SYT1: variants seen among roughly 807,000 people sequenced by gnomAD.
SYT1 encodes the protein synaptotagmin 1.
Under a neutral mutation model 44.8 loss-of-function variants are expected in SYT1, and 8 were observed. The observed-to-expected ratio is 0.18, with a 90% CI of 0.10 to 0.32. The LOEUF (loss-of-function observed/expected upper bound fraction) is 0.32, where lower values mean the gene tolerates loss of function less well. Among genes scored for constraint, SYT1 ranks in the 10% least tolerant of loss-of-function variants. The pLI is 1.00. For synonymous variants in SYT1, 154 were observed against 188.8 expected, an observed-to-expected ratio of 0.82 and a Z score of 1.51; for missense variants, 286 against 509.3, an observed-to-expected ratio of 0.56 and a Z score of 4.22.
At chr12:78,972,901 A>G (rs528153135) in intron 1 of SYT1, among the ~76,000 whole-genome samples, 9 of 152,286 alleles carry the variant, frequency 5.9e-5, no homozygotes, top group South Asian at 2.1e-4. Context: ...AGGATTCAGA[A>G]TTTTATGTAA....
Position 79,156,768 on chromosome 12 carries a change from G to GT in SYT1, c.-17-60733dup, listed in dbSNP as rs1870626916. Among the ~76,000 whole-genome samples the GT allele has an allele frequency of 2.0e-5, 3 of 152,160 alleles. No individual in the cohort carries two copies. The South Asian group carries it at 6.2e-4, about 32-fold the overall frequency. ...AGGCGTGAGCCACCGCACCTGGCCT[G>GT]TTCAGTTAATTTTTAATTCAATTAT... On this transcript the variant is annotated intron_variant, in intron 3 of 10. Coordinates refer to ENST00000261205, the MANE Select transcript of SYT1 (RefSeq NM_005639.3).
At chr12:79,120,988 TAC>T (rs151069295) in intron 3 of SYT1, among the ~76,000 whole-genome samples, 17 of 150,950 alleles carry the variant, frequency 1.1e-4, no homozygotes, top group African/African-American at 2.7e-4. Flanking sequence ...TATATATATA[TAC>T]ACACACACAT....
intron 1 of SYT1, among the ~76,000 whole-genome samples, chr12:78,961,114 A>T (rs1879478024): frequency 1.3e-5 from 2 of 149,490 alleles, no homozygotes; most frequent in Admixed American, 1.3e-4. Context: ...TTTTTAAGAA[A>T]TTTTTTTTTT....
At chr12:79,060,501 G>C (rs2137839725) in intron 3 of SYT1, among the ~76,000 whole-genome samples, 1 of 151,942 alleles carries the variant, frequency 6.6e-6, no homozygotes, top group South Asian at 2.1e-4. Context: ...GCAGCCCCTG[G>C]CCATCACTAT....
In SYT1 at chr12:79,032,331, A is replaced by G. The variant is rs186949492; in HGVS notation, c.-83-14966A>G. Among the ~76,000 whole-genome samples the G allele has an allele frequency of 4.8e-4, 73 of 151,380 alleles. 1 individual carries two copies. In the East Asian group the frequency reaches 6.6e-3, roughly 14 times the overall value. ...ATAACAAAAACAAACAGTGTAATGC[A>G]CTAAGTGATATATGATAGAGACATG... is the stretch of plus-strand genomic sequence containing the variant. On this transcript the variant is annotated intron_variant, in intron 2 of 10. Transcript: ENST00000261205.
chr12:78,931,298 GGA>G, intron 1 of SYT1, among the ~76,000 whole-genome samples: 2 of 75,080 alleles, frequency 2.7e-5, no homozygotes, highest in African/African-American at 4.9e-5. Context: ...AAGGAAGGAA[GGA>G]AGGAAGGAGA....
intron 3 of SYT1, among the ~76,000 whole-genome samples, chr12:79,104,090 T>C (rs903855550): frequency 1.3e-5 from 2 of 152,092 alleles, no homozygotes; most frequent in Non-Finnish European, 2.9e-5. Flanking sequence ...TTTCTTGCAA[T>C]ACATTGCAAT....
chr12:78,909,800 A>G (rs1021690048), intron 1 of SYT1, among the ~76,000 whole-genome samples: 2 of 152,028 alleles, frequency 1.3e-5, no homozygotes, highest in Admixed American at 6.6e-5. Context: ...TGGTTGTTGT[A>G]ATTCATTTTA....
chr12:78,965,284 T>G (rs1879710875), intron 1 of SYT1, among the ~76,000 whole-genome samples: 1 of 152,216 alleles, frequency 6.6e-6, no homozygotes, highest in South Asian at 2.1e-4. Context: ...TCCTTTTCAG[T>G]TTATGAAAAT....
intron 3 of SYT1, among the ~76,000 whole-genome samples, chr12:79,096,773 A>T (rs1483343295): frequency 6.6e-6 from 1 of 152,000 alleles, no homozygotes; most frequent in Non-Finnish European, 1.5e-5. Context: ...CAGGGGCATG[A>T]CATCTTCACA....
Position 79,046,691 on chromosome 12 carries a change from G to A in SYT1, c.-83-606G>A, listed in dbSNP as rs150797939. Among the ~76,000 whole-genome samples the A allele has an allele frequency of 7.7e-3, 1,174 of 151,924 alleles. 56 individuals are homozygous for A. The highest frequency in any genetic ancestry group is 0.07 in the Admixed American group (1,065 of 15,264). ...TATACATATTTATTTGTGTGTGTAT[G>A]TACCTACATATCTATTAATATGTAT... On this transcript the variant is annotated intron_variant, in intron 2 of 10. Transcript: ENST00000261205.
chr12:79,025,971 A>T (rs2137645767), intron 2 of SYT1, among the ~76,000 whole-genome samples: 1 of 151,802 alleles, frequency 6.6e-6, no homozygotes, highest in South Asian at 2.1e-4. Flanking sequence ...TCAGTGCTAG[A>T]TATAAGATAC....
chr12:79,252,332 A>C (rs939641990), intron 4 of SYT1, among the ~76,000 whole-genome samples: 5 of 152,120 alleles, frequency 3.3e-5, no homozygotes, highest in Non-Finnish European at 7.4e-5. Context: ...TATTATCATC[A>C]TCATCATCAT....
At chr12:79,311,407 T>G (rs1379615985) in intron 8 of SYT1, among the ~76,000 whole-genome samples, 1 of 144,686 alleles carries the variant, frequency 6.9e-6, no homozygotes. Flanking sequence ...GGAACACTTT[T>G]ACACTGTTGG....
chr12:78,992,495 T>A (rs1455359178), intron 2 of SYT1, among the ~76,000 whole-genome samples: 1 of 152,348 alleles, frequency 6.6e-6, no homozygotes, highest in East Asian at 1.9e-4. Flanking sequence ...GTAAGTTACA[T>A]CAAATGCAGC....
chr12:78,976,234 AAAG>A (rs1482804749), intron 1 of SYT1, among the ~76,000 whole-genome samples: 8 of 152,188 alleles, frequency 5.3e-5, no homozygotes, highest in Non-Finnish European at 8.8e-5. Context: ...GACTGGCCAA[AAAG>A]AAGAAAAAAA....
chr12:79,268,177 G>A (rs1878231503), intron 4 of SYT1, among the ~76,000 whole-genome samples: 1 of 152,228 alleles, frequency 6.6e-6, no homozygotes, highest in East Asian at 1.9e-4. Flanking sequence ...GTGACTTTGT[G>A]TATATCAAAA....
At chr12:79,308,634 AAGAAAGAAAGAAAGAAAG>A (rs1880592483) in intron 8 of SYT1, among the ~76,000 whole-genome samples, 3 of 150,586 alleles carry the variant, frequency 2.0e-5, no homozygotes, top group South Asian at 2.1e-4. Flanking sequence ...GAAAGAAAGA[AAGAAAGAAAGAAAGAAAG>A]AAAGAAAAGA....
chr12:79,077,630 A>G lies in SYT1; in HGVS notation c.-18+30268A>G, dbSNP rs562429744. 4.6e-5 allele frequency among the ~76,000 whole-genome samples: 7 copies of G among 152,340 alleles called. No homozygotes were observed. In the South Asian group the frequency reaches 1.4e-3, roughly 32 times the overall value. On this transcript the variant is annotated intron_variant, in intron 3 of 10. Coordinates refer to ENST00000261205, the MANE Select transcript of SYT1 (RefSeq NM_005639.3). ...TATTAAGCAATGTATTGAAGGGTCA[A>G]CTGTGCAGTATTTGCAAGAAATAAA...
Sources: gnomAD v4.1 joint callset for allele counts (sites outside exome capture counted in the v4.1 genomes callset) on GRCh38, gnomAD v4.1.1 for gene constraint, MANE v1.5 for transcripts, NCBI Gene and HGNC (gene_info 2026-07-23, HGNC 2026-07-21) for gene names.